The following USP29 variants were observed in gnomAD, a reference collection of about 807,000 sequenced individuals.
USP29 encodes ubiquitin carboxyl-terminal hydrolase 29.
For synonymous variants in USP29, 386 were observed against 387.4 expected, an observed-to-expected ratio of 1.00 and a Z score of 0.04; for missense variants, 1,102 against 1,069.0, an observed-to-expected ratio of 1.03 and a Z score of -0.43.
chr19:57,120,472 G>C (rs567099379), intron 1 of USP29, among the ~76,000 whole-genome samples: 1 of 151,466 alleles, frequency 6.6e-6, no homozygotes, highest in South Asian at 2.1e-4. Flanking sequence ...AACAGAGCAA[G>C]ACCCTGTCTC....
chr19:57,128,771 A>T lies in USP29; in HGVS notation c.96A>T (p.Arg32Ser). 1 of 1,613,950 alleles carries T rather than the reference A, an allele frequency of 6.2e-7. No homozygotes were observed. Among genetic ancestry groups the T allele is most frequent in the Admixed American group, 1.7e-5 (1 of 59,994 alleles). The change falls in exon 4 of 4, where the codon AGA becomes AGT. Residue 32 changes from arginine (R) to serine (S), a missense_variant. Coordinates refer to ENST00000254181, the MANE Select transcript of USP29 (RefSeq NM_020903.3). ...LKEALIETVQRQKEIKLVVTF... is the reference protein window; with the variant it reads ...LKEALIETVQSQKEIKLVVTF... ...AAGCTCTCATTGAAACAGTGCAAAG[A>T]CAAAAGGAAATTAAACTGGTGGTCA... is the stretch of plus-strand genomic sequence containing the variant.
chr19:57,130,197 A>C lies in USP29; in HGVS notation c.1522A>C (p.Ile508Leu). 3 of 1,614,086 alleles carry C rather than the reference A, an allele frequency of 1.9e-6. No individual in the cohort carries two copies. Among genetic ancestry groups the C allele is most frequent in the Non-Finnish European group, 2.5e-6 (3 of 1,179,996 alleles). ...HTFSRLSRVL[I>L]IHLKRYSFNN... ...ATTTAGTAGGCTCTCCAGGGTCCTT[A>C]TCATTCATCTGAAACGCTATAGCTT... Residue 508 changes from isoleucine (I) to leucine (L), a missense_variant, in exon 4 of 4, where the codon ATC (isoleucine) becomes CTC (leucine). Ile to Leu is a conservative substitution (Grantham distance 5). Coordinates refer to ENST00000254181, the MANE Select transcript of USP29 (RefSeq NM_020903.3).
In USP29 at chr19:57,130,963, A is replaced by G; in HGVS notation, c.2288A>G (p.His763Arg). The G allele has an allele frequency of 6.2e-7, 1 of 1,614,222 alleles. No homozygotes were observed. Among genetic ancestry groups the G allele is most frequent in the Non-Finnish European group, 8.5e-7 (1 of 1,180,042 alleles). Residue 763 changes from histidine (H) to arginine (R), a missense_variant, in exon 4 of 4, where the codon CAT becomes CGT. By Grantham distance (29) the His-to-Arg change is conservative. Transcript: ENST00000254181. The stretch of plus-strand genomic sequence containing the variant: ...GTTAGGAAGCTGGATGCCCAGGAAC[A>G]TACAGAAGAGACCCTCAATCAGTCT... ...PGVRKLDAQE[H>R]TEETLNQSTE...
chr19:57,125,856 G>A (rs960736924), intron 3 of USP29, among the ~76,000 whole-genome samples: 2 of 152,038 alleles, frequency 1.3e-5, no homozygotes, highest in African/African-American at 4.8e-5. Flanking sequence ...TTTCTTCTGT[G>A]TCATTGGTCT....
chr19:57,122,954 A>G (rs1190632528), intron 2 of USP29, among the ~76,000 whole-genome samples: 2 of 152,142 alleles, frequency 1.3e-5, no homozygotes, highest in African/African-American at 4.8e-5. Context: ...CACACTCTAT[A>G]TATTATGTTA....
At position 57,130,635 on chromosome 19, in the gene USP29, C is replaced by G. The variant is rs1011633218; in HGVS notation, c.1960C>G (p.Gln654Glu). ...TCCAGTGGCTGACTCACTGATGGAC[C>G]AGGGAGACATTTCTCTTCCTGTGAT... Reference protein sequence around the residue: ...ELPVADSLMDQGDISLPVMYE... With the variant: ...ELPVADSLMDEGDISLPVMYE... The change falls in exon 4 of 4, where the codon CAG becomes GAG. Residue 654 changes from glutamine (Q) to glutamate (E), a missense_variant. Coordinates refer to ENST00000254181, the MANE Select transcript of USP29 (RefSeq NM_020903.3). The G allele has an allele frequency of 1.2e-6, 2 of 1,613,948 alleles. No individual in the cohort carries two copies. The highest frequency in any genetic ancestry group is 2.7e-5 in the African/African-American group (2 of 74,900).
In USP29 at chr19:57,130,323, C is replaced by G; in HGVS notation, c.1648C>G (p.Pro550Ala). The G allele has an allele frequency of 6.2e-7, 1 of 1,614,100 alleles. No homozygotes were observed. The highest frequency in any genetic ancestry group is 8.5e-7 in the Non-Finnish European group (1 of 1,180,020). ...CAATGAAAGCACCAAACCACCTCTT[C>G]CCTTGAGCAGTAGTGCACCTGTTGG... ...YCNESTKPPL[P>A]LSSSAPVGKC... is the part of the protein sequence containing the mutation. The change falls in exon 4 of 4, where the codon CCC becomes GCC. Residue 550 changes from proline to alanine, a missense_variant. Transcript: ENST00000254181.
At position 57,130,188 on chromosome 19, in the gene USP29, A is replaced by G. The variant is rs2086848878; in HGVS notation, c.1513A>G (p.Arg505Gly). The change falls in exon 4 of 4, where the codon AGG (arginine) becomes GGG (glycine). Residue 505 changes from arginine to glycine, a missense_variant. By Grantham distance (125) the Arg-to-Gly change is moderately radical. Coordinates refer to ENST00000254181, the MANE Select transcript of USP29 (RefSeq NM_020903.3). ...VARHTFSRLS[R>G]VLIIHLKRYS... is the part of the protein sequence containing the mutation. ...AAGGCATACATTTAGTAGGCTCTCCAGGGTCCTTATCATTCATCTGAAACG... is the reference window on the plus strand; with the variant it reads ...AAGGCATACATTTAGTAGGCTCTCCGGGGTCCTTATCATTCATCTGAAACG... The G allele has an allele frequency of 1.9e-6, 3 of 1,614,102 alleles. No homozygotes were observed. The highest frequency in any genetic ancestry group is 1.7e-6 in the Non-Finnish European group (2 of 1,180,016).
At position 57,122,400 on chromosome 19, in the gene USP29, C is replaced by A. The variant is rs1038007094; in HGVS notation, c.-192C>A. The A allele has an allele frequency of 1.3e-5, 2 of 151,662 alleles. No individual in the cohort carries two copies. The highest frequency in any genetic ancestry group is 6.6e-5 in the Admixed American group (1 of 15,226). 9.4% of individuals were successfully genotyped at this position (151,662 alleles called of 1,614,324 possible). A position where few individuals can be genotyped will look rare whatever the true frequency, so the allele number is the denominator to read the frequency against. ...GATTGAGGCCAGGAGTTTGGGACCACCCTGGGCAACATAGCAAGATCTCAT... is the reference window on the plus strand; with the variant it reads ...GATTGAGGCCAGGAGTTTGGGACCAACCTGGGCAACATAGCAAGATCTCAT... On this transcript the variant is annotated 5_prime_UTR_variant, in exon 2 of 4. Transcript: ENST00000254181.
rs934473986 is a variant in USP29 at position 57,129,220 on chromosome 19, A to C, written c.545A>C (p.Asp182Ala). 2 of 1,612,166 alleles carry C rather than the reference A, an allele frequency of 1.2e-6. No homozygotes were observed. The highest frequency in any genetic ancestry group is 1.7e-6 in the Non-Finnish European group (2 of 1,179,288). The part of the protein sequence containing the change: ...TLSSDVQTNE[D>A]ILKEDNPVPN... Reference sequence around the variant, plus strand: ...TCATCTGATGTACAGACAAATGAGGACATTCTGAAGGAAGATAACCCTGTA... The same window carrying C: ...TCATCTGATGTACAGACAAATGAGGCCATTCTGAAGGAAGATAACCCTGTA... The change falls in exon 4 of 4, where the codon GAC (aspartate) becomes GCC (alanine). Residue 182 changes from aspartate (D) to alanine (A), a missense_variant. Coordinates refer to ENST00000254181, the MANE Select transcript of USP29 (RefSeq NM_020903.3).
chr19:57,124,011 G>T (rs775014611), intron 2 of USP29, 28 bp from the exon 3 acceptor site: 13 of 152,202 alleles, frequency 8.5e-5, no homozygotes, highest in Non-Finnish European at 1.8e-4. Context: ...CTCAGTTTCA[G>T]GACTCTGACC....
chr19:57,121,645 A>T (rs1388534285), intron 1 of USP29, among the ~76,000 whole-genome samples: 1 of 146,696 alleles, frequency 6.8e-6, no homozygotes, highest in Admixed American at 6.9e-5. Context: ...CTTATATGTT[A>T]TATATACTTA....
rs140962054 is a variant in USP29 at position 57,129,280 on chromosome 19, A to G, written c.605A>G (p.Tyr202Cys). The change falls in exon 4 of 4, where the codon TAT becomes TGT. Residue 202 changes from tyrosine to cysteine, a missense_variant. Coordinates refer to ENST00000254181, the MANE Select transcript of USP29 (RefSeq NM_020903.3). ...NKKYKTDSLKYIQSNRKNPSS... is the reference protein window; with the variant it reads ...NKKYKTDSLKCIQSNRKNPSS... ...AAATATAAGACAGATTCCTTGAAAT[A>G]TATACAAAGCAATAGGAAGAACCCA... The G allele has an allele frequency of 3.2e-4, 517 of 1,613,642 alleles. No homozygotes were observed. Among genetic ancestry groups the G allele is most frequent in the Non-Finnish European group, 4.2e-4 (495 of 1,179,938 alleles).
upstream of USP29, chr19:57,119,311 C>T (rs1329545692): frequency 1.3e-5 from 2 of 152,248 alleles, no homozygotes; most frequent in Admixed American, 1.3e-4. Context: ...TTTAGTTTTC[C>T]TGTAGGATTC....
chr19:57,125,996 G>A (rs1457298070), intron 3 of USP29, among the ~76,000 whole-genome samples: 1 of 152,124 alleles, frequency 6.6e-6, no homozygotes, highest in African/African-American at 2.4e-5. Context: ...TGTCTGTAAA[G>A]GATTGTATTT....
chr19:57,129,040 G>T lies in USP29; in HGVS notation c.365G>T (p.Ser122Ile), dbSNP rs2086838811. 1 of 1,613,220 alleles carries T rather than the reference G, an allele frequency of 6.2e-7. No individual in the cohort carries two copies. The highest frequency in any genetic ancestry group is 1.3e-5 in the African/African-American group (1 of 74,900). Residue 122 changes from serine (S) to isoleucine (I), a missense_variant, in exon 4 of 4, where the codon AGC (serine) becomes ATC (isoleucine). Coordinates refer to ENST00000254181, the MANE Select transcript of USP29 (RefSeq NM_020903.3). ...GATGATGATTGGAGTGTGTTTGAAA[G>T]CAGGAATATGCTGAAGGAAATTGAC... ...KSDDDWSVFE[S>I]RNMLKEIDKT... is the part of the protein sequence containing the mutation.
rs778585733 is a variant in USP29, at chr19:57,131,478, G to C, written c.*34G>C. On this transcript the variant is annotated 3_prime_UTR_variant, in exon 4 of 4. Transcript: ENST00000254181. ...CTCGGCCTCACTTCATCCTTGCAAA[G>C]AGAATCCTGTACTTCATCCTTGCAA... The C allele has an allele frequency of 1.4e-5, 22 of 1,556,986 alleles. No individual in the cohort carries two copies. The highest frequency in any genetic ancestry group is 2.6e-6 in the Non-Finnish European group (3 of 1,153,568).
chr19:57,124,364 A>C (rs1293770840), intron 3 of USP29, among the ~76,000 whole-genome samples: 4 of 140,704 alleles, frequency 2.8e-5, no homozygotes, highest in African/African-American at 8.0e-5. Context: ...TTCACTCTTC[A>C]TATTTCCCTT....
Position 57,130,159 on chromosome 19 carries a change from T to C in USP29, c.1484T>C (p.Val495Ala), listed in dbSNP as rs2086848596. The C allele has an allele frequency of 1.9e-6, 3 of 1,613,990 alleles. No homozygotes were observed. The highest frequency in any genetic ancestry group is 2.7e-5 in the African/African-American group (2 of 74,940). ...CAGATGTGTAAGCAGAAGAGTTGTG[T>C]TGCAAGGCATACATTTAGTAGGCTC... Reference protein sequence around the residue: ...NCQMCKQKSCVARHTFSRLSR... With the variant: ...NCQMCKQKSCAARHTFSRLSR... Residue 495 changes from valine to alanine, a missense_variant, in exon 4 of 4, where the codon GTT becomes GCT. Coordinates refer to ENST00000254181, the MANE Select transcript of USP29 (RefSeq NM_020903.3).
Sources: gnomAD v4.1 joint callset for allele counts (sites outside exome capture counted in the v4.1 genomes callset) on GRCh38, gnomAD v4.1.1 for gene constraint, MANE v1.5 for transcripts, NCBI Gene and HGNC (gene_info 2026-07-23, HGNC 2026-07-21) for gene names.